The following FAT3 variants were observed in gnomAD, a reference collection of about 807,000 sequenced individuals.
The protein encoded by FAT3 is protocadherin Fat 3.
In FAT3, 95 loss-of-function variants were observed where a neutral mutation model predicts 310.2. The ratio of observed to expected loss-of-function variants is 0.31; its 90% CI spans 0.26 to 0.36. The LOEUF (loss-of-function observed/expected upper bound fraction) is 0.36. Among genes scored for constraint, FAT3 ranks in the 10% least tolerant of loss-of-function variants. FAT3 has a pLI of 1.00. For missense variants in FAT3, 5,408 were observed against 5,715.6 expected (o/e 0.95, Z 1.74); for synonymous variants, 2,314 against 2,192.9 (o/e 1.06, Z -1.54).
intron 4 of FAT3, among the ~76,000 whole-genome samples, chr11:92,749,460 C>A (rs879099638): frequency 1.1e-4 from 16 of 152,148 alleles, no homozygotes; most frequent in Admixed American, 5.9e-4. Context: ...TCTGTCTGGA[C>A]CTCAGTTTCC....
In FAT3 at chr11:92,799,839, C is replaced by A. The variant is rs929171681; in HGVS notation, c.6826C>A (p.Leu2276Ile). 1.2e-6 allele frequency: 2 copies of A among 1,613,176 alleles called. No homozygotes were observed. Among genetic ancestry groups the A allele is most frequent in the Non-Finnish European group, 1.7e-6 (2 of 1,179,630 alleles). The change falls in exon 10 of 28, where the codon CTA becomes ATA. Residue 2276 changes from leucine (L) to isoleucine (I), a missense_variant. Physicochemically the swap from Leu to Ile is conservative, Grantham distance 5. Coordinates refer to ENST00000525166, the MANE Select transcript of FAT3 (RefSeq NM_001367949.2). ...TAGGGCTGAAGTCACTGTTGACTTG[C>A]TAGTTAATGATGTAAATGACAACCC... ...GARAEVTVDL[L>I]VNDVNDNPPI... is the part of the protein sequence containing the mutation.
intron 1 of FAT3, among the ~76,000 whole-genome samples, chr11:92,275,829 C>A (rs991181538): frequency 2.0e-5 from 3 of 151,728 alleles, no homozygotes; most frequent in African/African-American, 7.3e-5. Flanking sequence ...TTTTATTTTT[C>A]ATAATTCCAG....
chr11:92,292,936 C>G (rs1377428857), intron 1 of FAT3, among the ~76,000 whole-genome samples: 1 of 151,644 alleles, frequency 6.6e-6, no homozygotes, highest in Non-Finnish European at 1.5e-5. Context: ...TTGCTTGAGC[C>G]TAGGAGTTGG....
rs1947511315 is a variant in FAT3 at position 92,806,509 on chromosome 11, G to A, written c.9241G>A (p.Glu3081Lys). The A allele has an allele frequency of 6.5e-7, 1 of 1,543,010 alleles. No individual in the cohort carries two copies. Among genetic ancestry groups the A allele is most frequent in the Non-Finnish European group, 8.8e-7 (1 of 1,141,904 alleles). Residue 3081 changes from glutamate (E) to lysine (K), a missense_variant, in exon 12 of 28, where the codon GAA becomes AAA. This residue lies in a region of FAT3 where 4,588 missense variants were observed against 4,809.8 expected (regional missense o/e 0.95). Transcript: ENST00000525166. Reference protein sequence around the residue: ...SGNSEFFLDPESGELKTLALL... With the variant: ...SGNSEFFLDPKSGELKTLALL... ...AAACAGTGAATTTTTTCTAGATCCA[G>A]AAAGTGGTAAGCTAAAATTTATTAT...
intron 1 of FAT3, chr11:92,336,644 A>C (rs191416319): frequency 6.5e-6 from 1 of 154,274 alleles, no homozygotes; most frequent in South Asian, 2.0e-4. Flanking sequence ...TAGTGGAGAG[A>C]TCAATATTAT....
rs115712973 is a variant in FAT3 at position 92,879,832 on chromosome 11, C to G, written c.12128-899C>G. ...ATATTGAAATACCAAAAGGGATACC[C>G]AGGTTGCTTCGGAGGAAGTGTAAAT... On this transcript the variant is annotated intron_variant, in intron 22 of 27. Transcript: ENST00000525166. Among the ~76,000 whole-genome samples the G allele has an allele frequency of 6.3e-3, 960 of 152,160 alleles. 8 individuals carry two copies. Among genetic ancestry groups the G allele is most frequent in the African/African-American group, 0.022 (917 of 41,526 alleles).
intron 1 of FAT3, among the ~76,000 whole-genome samples, chr11:92,272,543 A>C (rs2134340018): frequency 6.6e-6 from 1 of 152,194 alleles, no homozygotes; most frequent in African/African-American, 2.4e-5. Flanking sequence ...GGAGAATATG[A>C]GTTAGGCCAG....
chr11:92,381,783 A>G (rs576878669), intron 2 of FAT3, among the ~76,000 whole-genome samples: 5 of 152,318 alleles, frequency 3.3e-5, no homozygotes, highest in South Asian at 2.1e-4. Context: ...ATTAATTACT[A>G]TCCTATTTTA....
chr11:92,394,708 GA>G (rs375134314), intron 2 of FAT3, among the ~76,000 whole-genome samples: 108 of 151,226 alleles, frequency 7.1e-4, no homozygotes, highest in Non-Finnish European at 1.2e-3. Flanking sequence ...AAATTTAAAG[GA>G]AAAAAACTCT....
chr11:92,392,719 A>G (rs1949777564), intron 2 of FAT3, among the ~76,000 whole-genome samples: 1 of 152,176 alleles, frequency 6.6e-6, no homozygotes, highest in Non-Finnish European at 1.5e-5. Context: ...GTAGTGCTAG[A>G]CTGTCATTGC....
intron 4 of FAT3, among the ~76,000 whole-genome samples, chr11:92,711,807 C>T (rs919266775): frequency 6.6e-6 from 1 of 152,100 alleles, no homozygotes; most frequent in African/African-American, 2.4e-5. Flanking sequence ...AAACAGGTTA[C>T]CCACAAATAT....
chr11:92,666,381 T>C (rs1942949461), intron 3 of FAT3, among the ~76,000 whole-genome samples: 1 of 149,436 alleles, frequency 6.7e-6, no homozygotes, highest in African/African-American at 2.5e-5. Flanking sequence ...AGACGGAATC[T>C]CGCTCTGTTG....
chr11:92,534,296 ACTCTGGG>A (rs762092975), intron 3 of FAT3, among the ~76,000 whole-genome samples: 1 of 151,834 alleles, frequency 6.6e-6, no homozygotes, highest in South Asian at 2.1e-4. Context: ...GGGGAACAAA[ACTCTGGG>A]CTCTGGGCAC....
chr11:92,504,237 G>T (rs910753213), intron 2 of FAT3, among the ~76,000 whole-genome samples: 3 of 152,114 alleles, frequency 2.0e-5, no homozygotes, highest in Non-Finnish European at 4.4e-5. Context: ...CTTCTTGGGA[G>T]GTCAGTACTC....
intron 2 of FAT3, among the ~76,000 whole-genome samples, chr11:92,504,949 T>C (rs1418088093): frequency 6.6e-6 from 1 of 152,166 alleles, no homozygotes; most frequent in African/African-American, 2.4e-5. Context: ...ATGACATGAC[T>C]TCATAAAGAA....
In FAT3 at chr11:92,762,173, A is replaced by G; in HGVS notation, c.3984+3A>G. ...CAGGCAGTTATGACATCCTAACGGT[A>G]AGATCTTCCAAACTCCAGCAGCACA... On this transcript the variant is annotated splice_donor_region_variant and intron_variant, in intron 5 of 27. Transcript: ENST00000525166. 1.2e-6 allele frequency: 2 copies of G among 1,604,448 alleles called. No individual in the cohort carries two copies. Among genetic ancestry groups the G allele is most frequent in the Non-Finnish European group, 8.5e-7 (1 of 1,174,180 alleles).
At chr11:92,361,358 G>A (rs1948877041) in intron 2 of FAT3, among the ~76,000 whole-genome samples, 1 of 152,122 alleles carries the variant, frequency 6.6e-6, no homozygotes, top group Admixed American at 6.5e-5. Flanking sequence ...AAATGTTTGT[G>A]CACCCCTCCC....
At chr11:92,760,217 A>C (rs1946108854) in intron 4 of FAT3, among the ~76,000 whole-genome samples, 1 of 152,254 alleles carries the variant, frequency 6.6e-6, no homozygotes, top group African/African-American at 2.4e-5. Context: ...TTTCAAAGAA[A>C]GCGAGAACTT....
In FAT3 at chr11:92,352,301, C is replaced by T; in HGVS notation, c.189C>T (p.Asn63=). ...YENSAARTYV[N]SQSRMGITLI... ...ACTCAGCAGCAAGGACCTACGTCAACAGCCAGAGTAGAATGGGCATCACCT... is the reference window on the plus strand; with the variant it reads ...ACTCAGCAGCAAGGACCTACGTCAATAGCCAGAGTAGAATGGGCATCACCT... The change falls in exon 2 of 28, where the codon AAC becomes AAT. Residue 63 remains asparagine (N), a synonymous_variant. Coordinates refer to ENST00000525166, the MANE Select transcript of FAT3 (RefSeq NM_001367949.2). 1 of 1,511,882 alleles carries T rather than the reference C, an allele frequency of 6.6e-7. No homozygotes were observed. Among genetic ancestry groups the T allele is most frequent in the Non-Finnish European group, 9.0e-7 (1 of 1,116,046 alleles). The allele number at this position is 1,511,882 out of a possible 1,614,324, so 93.7% of individuals were successfully genotyped here.
Sources: gnomAD v4.1 joint callset for allele counts (sites outside exome capture counted in the v4.1 genomes callset) on GRCh38, gnomAD v4.1.1 for gene constraint, gnomAD v4.1.1 regional missense constraint, MANE v1.5 for transcripts, NCBI Gene and HGNC (gene_info 2026-07-23, HGNC 2026-07-21) for gene names.